The following ANKS1B variants were observed in gnomAD, a reference collection of about 807,000 sequenced individuals.
ANKS1B encodes the protein ankyrin repeat and sterile alpha motif domain containing 1B, also known as ankyrin repeat and sterile alpha motif domain-containing protein 1B.
In ANKS1B, 36 loss-of-function variants were observed where a neutral mutation model predicts 148.3. The ratio of observed to expected loss-of-function variants is 0.24; its 90% CI spans 0.19 to 0.32. The LOEUF is 0.32. ANKS1B is among the 10% of genes least tolerant of loss of function. ANKS1B has a pLI of 1.00. For missense variants in ANKS1B, 1,157 were observed against 1,542.6 expected, an observed-to-expected ratio of 0.75 and a Z score of 4.19; for synonymous variants, 542 against 560.8, an observed-to-expected ratio of 0.97 and a Z score of 0.47.
intron 12 of ANKS1B, among the ~76,000 whole-genome samples, chr12:99,368,342 G>A (rs1441870576): frequency 6.6e-6 from 1 of 152,004 alleles, no homozygotes; most frequent in South Asian, 2.1e-4. Flanking sequence ...ATATAGCCAT[G>A]TAACAAACCT....
At chr12:99,439,058 CAATT>C (rs1199499965) in intron 11 of ANKS1B, among the ~76,000 whole-genome samples, 1 of 151,646 alleles carries the variant, frequency 6.6e-6, no homozygotes, top group Non-Finnish European at 1.5e-5. Context: ...CAACAACAAA[CAATT>C]AAAATATGAA....
chr12:99,746,075 A>G (rs1288502169), intron 8 of ANKS1B, among the ~76,000 whole-genome samples: 1 of 152,186 alleles, frequency 6.6e-6, no homozygotes, highest in Non-Finnish European at 1.5e-5. Context: ...ATTTGTGTCC[A>G]AGTTTACATA....
At position 99,005,061 on chromosome 12, in the gene ANKS1B, T is replaced by C. The variant is rs546866303; in HGVS notation, c.2778+48096A>G. ...AACAGATTTCCCACGGAGTAAAATA[T>C]TCTGTTCTCATAAAAAGTCCCTTGC... On this transcript the variant is annotated intron_variant, in intron 17 of 26. Coordinates refer to ENST00000683438, the MANE Select transcript of ANKS1B (RefSeq NM_001352186.2). Among the ~76,000 whole-genome samples the C allele has an allele frequency of 1.2e-3, 186 of 152,306 alleles. 1 individual carries two copies. Among genetic ancestry groups the C allele is most frequent in the African/African-American group, 4.4e-3 (181 of 41,560 alleles).
At chr12:99,209,291 C>T (rs1365001984) in intron 14 of ANKS1B, among the ~76,000 whole-genome samples, 2 of 152,184 alleles carry the variant, frequency 1.3e-5, no homozygotes, top group Non-Finnish European at 2.9e-5. Flanking sequence ...TGAGATTAAA[C>T]TTATTTTGCC....
chr12:99,895,374 C>G (rs1045992110), intron 1 of ANKS1B, among the ~76,000 whole-genome samples: 2 of 150,624 alleles, frequency 1.3e-5, no homozygotes, highest in African/African-American at 4.8e-5. Context: ...GTGGCGAAAT[C>G]TCCACAAACA....
chr12:99,401,860 C>A lies in ANKS1B; in HGVS notation c.1576-2049G>T, dbSNP rs569053521. On this transcript the variant is annotated intron_variant, in intron 11 of 26. Transcript: ENST00000683438. ...TAAGGCAAGGGTCAGCAAACTATGG[C>A]CTGTGGCTCAAATCTGGCTTTCTTC... Among the ~76,000 whole-genome samples, 55 of 146,720 alleles carry A rather than the reference C, an allele frequency of 3.7e-4. 8 individuals carry two copies. The highest frequency in any genetic ancestry group is 1.4e-3 in the African/African-American group (54 of 38,872).
intron 17 of ANKS1B, among the ~76,000 whole-genome samples, chr12:98,971,971 TA>T (rs1224886351): frequency 1.3e-5 from 2 of 152,044 alleles, no homozygotes; most frequent in African/African-American, 4.8e-5. Context: ...AGTTCAAGAC[TA>T]GCCTGGCCAA....
intron 15 of ANKS1B, among the ~76,000 whole-genome samples, chr12:99,149,951 T>C (rs1237751279): frequency 6.6e-6 from 1 of 152,158 alleles, no homozygotes; most frequent in Non-Finnish European, 1.5e-5. Context: ...AACGTGTGTA[T>C]GTGTGATGTG....
chr12:98,841,546 G>A (rs2099406032), intron 17 of ANKS1B, among the ~76,000 whole-genome samples: 1 of 152,070 alleles, frequency 6.6e-6, no homozygotes, highest in Non-Finnish European at 1.5e-5. Flanking sequence ...GTGGGAGGAG[G>A]TAAAAAATCT....
chr12:99,468,883 G>A (rs944851028), intron 10 of ANKS1B, among the ~76,000 whole-genome samples: 22 of 152,216 alleles, frequency 1.4e-4, no homozygotes, highest in African/African-American at 4.3e-4. Context: ...TCAGTGTGGC[G>A]ATTCCTCAGG....
chr12:99,589,964 A>T (rs2153233699), intron 9 of ANKS1B, among the ~76,000 whole-genome samples: 1 of 152,238 alleles, frequency 6.6e-6, no homozygotes, highest in Admixed American at 6.5e-5. Flanking sequence ...ATGTATCCAC[A>T]TAACTAAAAA....
intron 11 of ANKS1B, among the ~76,000 whole-genome samples, chr12:99,404,863 T>A (rs1330536822): frequency 6.9e-6 from 1 of 145,384 alleles, no homozygotes; most frequent in African/African-American, 2.6e-5. Flanking sequence ...ATAACTTAAC[T>A]CTCAAAATTC....
chr12:99,679,694 T>C (rs11109991), intron 8 of ANKS1B, among the ~76,000 whole-genome samples: 35,692 of 152,082 alleles, frequency 0.23, 4,793 homozygotes, highest in Non-Finnish European at 0.31. Context: ...AGAACCAAAT[T>C]ATTATCAAAT....
At chr12:98,874,169 C>T (rs2099680886) in intron 17 of ANKS1B, among the ~76,000 whole-genome samples, 1 of 152,088 alleles carries the variant, frequency 6.6e-6, no homozygotes, top group Admixed American at 6.6e-5. Context: ...AAAAAGAGCC[C>T]AGATTTTCAA....
chr12:99,777,410 C>G (rs1436587321), intron 6 of ANKS1B, among the ~76,000 whole-genome samples: 2 of 151,640 alleles, frequency 1.3e-5, no homozygotes, highest in Admixed American at 6.5e-5. Flanking sequence ...TTTAGGAGAG[C>G]AAAGATAGTT....
At chr12:99,859,740 A>G (rs1030279194) in intron 1 of ANKS1B, among the ~76,000 whole-genome samples, 13 of 151,596 alleles carry the variant, frequency 8.6e-5, no homozygotes, top group Admixed American at 5.3e-4. Flanking sequence ...TCTGCCTCCC[A>G]GGTTCAAGCG....
chr12:98,874,570 T>C (rs2099682697), intron 17 of ANKS1B, among the ~76,000 whole-genome samples: 1 of 151,954 alleles, frequency 6.6e-6, no homozygotes, highest in Admixed American at 6.6e-5. Context: ...TTGTTTGGGG[T>C]GGATAGAACA....
Position 99,806,729 on chromosome 12 carries a change from T to C in ANKS1B, c.373-29A>G, listed in dbSNP as rs774532250. ...AGACAAAGATTTTTAAAAAGGCACA[T>C]TTTCAGAAATTCAATTTGTTATCAA... On this transcript the variant is annotated intron_variant, in intron 3 of 26. Coordinates refer to ENST00000683438, the MANE Select transcript of ANKS1B (RefSeq NM_001352186.2). The C allele has an allele frequency of 1.9e-6, 3 of 1,579,534 alleles. No individual in the cohort carries two copies. The South Asian group carries it at 3.4e-5, about 18-fold the overall frequency.
chr12:99,667,041 C>A (rs948799216), intron 8 of ANKS1B, among the ~76,000 whole-genome samples: 1 of 152,026 alleles, frequency 6.6e-6, no homozygotes, highest in African/African-American at 2.4e-5. Context: ...CAAATTTGTA[C>A]CAAATTTTAA....
Sources: gnomAD v4.1 joint callset for allele counts (sites outside exome capture counted in the v4.1 genomes callset) on GRCh38, gnomAD v4.1.1 for gene constraint, MANE v1.5 for transcripts, NCBI Gene and HGNC (gene_info 2026-07-23, HGNC 2026-07-21) for gene names.